SYCP2: variants seen among roughly 807,000 people sequenced by gnomAD.
The protein encoded by SYCP2 is synaptonemal complex protein 2.
Under a neutral mutation model 211.3 loss-of-function variants are expected in SYCP2, and 55 were observed. That is an observed-to-expected ratio of 0.26 (90% confidence interval 0.21 to 0.33). The LOEUF (loss-of-function observed/expected upper bound fraction) is 0.33. Among genes scored for constraint, SYCP2 ranks in the 10% least tolerant of loss-of-function variants. The pLI, the probability that SYCP2 is intolerant of heterozygous loss-of-function variation, is 1.00. For missense variants in SYCP2, 1,731 were observed against 1,752.0 expected (o/e 0.99, Z 0.21); for synonymous variants, 570 against 555.2 (o/e 1.03, Z -0.37).
intron 14 of SYCP2, among the ~76,000 whole-genome samples, chr20:59,910,376 T>A (rs959041049): frequency 2.7e-5 from 3 of 113,094 alleles, no homozygotes; most frequent in Non-Finnish European, 5.6e-5. Context: ...AATTGCTTAT[T>A]TTTTTTTTTT....
chr20:59,918,274 T>C lies in SYCP2; in HGVS notation c.427+884A>G, dbSNP rs111701046. Reference sequence around the variant, plus strand: ...GGCACAAAATTACAAGATAAAATTATGCTTGCATCATGAACTTAACACTGC... The same window carrying C: ...GGCACAAAATTACAAGATAAAATTACGCTTGCATCATGAACTTAACACTGC... On this transcript the variant is annotated intron_variant, in intron 7 of 44. Coordinates refer to ENST00000357552, the MANE Select transcript of SYCP2 (RefSeq NM_014258.4). Among the ~76,000 whole-genome samples, 41 of 152,298 alleles carry C rather than the reference T, an allele frequency of 2.7e-4. No homozygotes were observed. The South Asian group carries it at 2.7e-3, about 10-fold the overall frequency.
At chr20:59,894,573 A>G (rs527601600) in intron 20 of SYCP2, among the ~76,000 whole-genome samples, 151 of 151,986 alleles carry the variant, frequency 9.9e-4, no homozygotes, top group Non-Finnish European at 2.0e-3. Context: ...AAAATTGTAC[A>G]TATTTATGAA....
At position 59,900,739 on chromosome 20, in the gene SYCP2, C is replaced by A. The variant is rs1371648123; in HGVS notation, c.1257+5G>T. 1.2e-6 allele frequency: 2 copies of A among 1,611,366 alleles called. No homozygotes were observed. Among genetic ancestry groups the A allele is most frequent in the African/African-American group, 2.7e-5 (2 of 74,836 alleles). Reference sequence around the variant, plus strand: ...TGATAAAAATCAAGTAAGTCTGAGACATACCTGTGATCCACTTGCGTCAAA... The same window carrying A: ...TGATAAAAATCAAGTAAGTCTGAGAAATACCTGTGATCCACTTGCGTCAAA... On this transcript the variant is annotated splice_donor_5th_base_variant and intron_variant, in intron 17 of 44. Transcript: ENST00000357552.
Position 59,919,506 on chromosome 20 carries a change from A to G in SYCP2, c.389T>C (p.Val130Ala), listed in dbSNP as rs1159782996. ...TGTGATTTTTACCAGCAGAAGATCA[A>G]CTAAGTCTTCTATCATATTTAGAAC... Reference protein sequence around the residue: ...EAVLNMIEDLVDLLLVIHDVS... With the variant: ...EAVLNMIEDLADLLLVIHDVS... The change falls in exon 6 of 45, where the codon GTT becomes GCT. Residue 130 changes from valine (V) to alanine (A), a missense_variant. This residue lies in a region of SYCP2 where 335 missense variants were observed against 378.8 expected (regional missense o/e 0.88). Transcript: ENST00000357552. 6.3e-7 allele frequency: 1 copy of G among 1,591,414 alleles called. No individual in the cohort carries two copies. Among genetic ancestry groups the G allele is most frequent in the South Asian group, 1.1e-5 (1 of 89,830 alleles).
chr20:59,901,878 G>A, intron 15 of SYCP2, 68 bp from the exon 16 acceptor site: 2 of 1,219,714 alleles, frequency 1.6e-6, no homozygotes, highest in South Asian at 3.8e-5. Context: ...CTATAAATAA[G>A]ACATGGATGT....
At chr20:59,920,516 C>G in intron 4 of SYCP2, 29 bp from the exon 5 acceptor site, 3 of 1,523,890 alleles carry the variant, frequency 2.0e-6, no homozygotes, top group Non-Finnish European at 2.7e-6. Context: ...ATTAAAATTT[C>G]TGTAAACACA....
intron 15 of SYCP2, among the ~76,000 whole-genome samples, chr20:59,905,948 T>G (rs1227872467): frequency 6.6e-6 from 1 of 152,118 alleles, no homozygotes; most frequent in Non-Finnish European, 1.5e-5. Context: ...AACTACCTCT[T>G]TTGCAGATCC....
In SYCP2 at chr20:59,886,307, C is replaced by A. The variant is rs550041517; in HGVS notation, c.2493-343G>T. On this transcript the variant is annotated intron_variant, in intron 25 of 44. Coordinates refer to ENST00000357552, the MANE Select transcript of SYCP2 (RefSeq NM_014258.4). ...AAATAGACATTTTGTAATAAACAAT[C>A]TTTGGAAAGACTGCAAAGAATGTAC... 2.6e-5 allele frequency among the ~76,000 whole-genome samples: 4 copies of A among 151,972 alleles called. No homozygotes were observed. In the South Asian group the frequency reaches 6.2e-4, roughly 24 times the overall value.
At chr20:59,869,027 T>A in intron 36 of SYCP2, 102 bp from the exon 37 acceptor site, 1 of 729,496 alleles carries the variant, frequency 1.4e-6, no homozygotes, top group Non-Finnish European at 2.2e-6. Flanking sequence ...TTAAATGCTG[T>A]CAATTCTTTC....
intron 31 of SYCP2, 54 bp from the exon 32 acceptor site, chr20:59,878,099 AAATTT>A (rs2145652953): frequency 1.7e-6 from 2 of 1,145,306 alleles, no homozygotes; most frequent in Non-Finnish European, 2.6e-6. Context: ...AATAGGCATT[AAATTT>A]ATTAGAACAT....
At chr20:59,871,446 A>G (rs2145614440) in intron 35 of SYCP2, among the ~76,000 whole-genome samples, 1 of 152,062 alleles carries the variant, frequency 6.6e-6, no homozygotes, top group Middle Eastern at 3.4e-3. Context: ...GTAAAGGGGC[A>G]GCATGGGGGA....
intron 14 of SYCP2, among the ~76,000 whole-genome samples, chr20:59,908,146 G>T (rs6071023): frequency 6.6e-6 from 1 of 152,108 alleles, no homozygotes; most frequent in African/African-American, 2.4e-5. Flanking sequence ...CTACTCAGGA[G>T]GCTGAGGCAG....
chr20:59,875,214 T>C, intron 34 of SYCP2, 57 bp downstream of exon 34: 1 of 1,102,802 alleles, frequency 9.1e-7, no homozygotes, highest in East Asian at 2.5e-5. Context: ...TTCCCATAAT[T>C]AGAGTTATAG....
intron 15 of SYCP2, among the ~76,000 whole-genome samples, chr20:59,904,169 G>C (rs2060169664): frequency 6.6e-6 from 1 of 152,114 alleles, no homozygotes; most frequent in Non-Finnish European, 1.5e-5. Flanking sequence ...CAAGGAGCTG[G>C]ACCAAACCTG....
intron 24 of SYCP2, among the ~76,000 whole-genome samples, chr20:59,887,956 A>G (rs2059827373): frequency 6.6e-6 from 1 of 152,060 alleles, no homozygotes; most frequent in Non-Finnish European, 1.5e-5. Context: ...GACACAATCT[A>G]CCAAAACCTA....
chr20:59,921,468 T>G lies in SYCP2; in HGVS notation c.25-15A>C, dbSNP rs762582104. 7 of 1,589,342 alleles carry G rather than the reference T, an allele frequency of 4.4e-6. No homozygotes were observed. Among genetic ancestry groups the G allele is most frequent in the Non-Finnish European group, 6.0e-6 (7 of 1,166,260 alleles). On this transcript the variant is annotated splice_polypyrimidine_tract_variant and intron_variant, in intron 3 of 44. Transcript: ENST00000357552. ...TTTTCCAACTGCTAGAGAAATATAT[T>G]TAATGGCACATACTGTATCAAAACC...
intron 18 of SYCP2, among the ~76,000 whole-genome samples, chr20:59,898,391 A>G (rs1225474575): frequency 6.6e-6 from 1 of 152,042 alleles, no homozygotes; most frequent in African/African-American, 2.4e-5. Context: ...ATGCAGCCAT[A>G]AAAAGGATGA....
At chr20:59,885,322 C>A (rs75433563) in intron 26 of SYCP2, among the ~76,000 whole-genome samples, 3,029 of 152,052 alleles carry the variant, frequency 0.02, 42 homozygotes, top group Middle Eastern at 0.041. Context: ...GTAAGGATTG[C>A]CACAGAGAAA....
rs1030318077 is a variant in SYCP2, at chr20:59,864,022, TAAAG to T, written c.*285_*288del. The T allele has an allele frequency of 2.7e-4, 52 of 194,768 alleles. No individual in the cohort carries two copies. The highest frequency in any genetic ancestry group is 1.6e-3 in the Admixed American group (26 of 16,692). 12.1% of individuals were successfully genotyped at this position (194,768 alleles called of 1,614,324 possible). ...TTTTACACAATAAAATTTAATTTAT[TAAAG>T]AAACTCATTTTATGAGTATAATTAA... is the stretch of plus-strand genomic sequence containing the variant. On this transcript the variant is annotated 3_prime_UTR_variant, in exon 45 of 45. Coordinates refer to ENST00000357552, the MANE Select transcript of SYCP2 (RefSeq NM_014258.4).
Sources: allele counts gnomAD v4.1 joint callset (sites outside exome capture counted in the v4.1 genomes callset), GRCh38; gene constraint gnomAD v4.1.1; regional missense constraint gnomAD v4.1.1; transcripts MANE v1.5; gene names NCBI Gene and HGNC (gene_info 2026-07-23, HGNC 2026-07-21).